Variants in ADD1 observed in about 807,000 individuals in gnomAD.
The protein encoded by ADD1 is alpha-adducin.
ADD1 carries 24 observed loss-of-function variants against 80.5 expected under a neutral mutation model. The ratio of observed to expected loss-of-function variants is 0.30; its 90% CI spans 0.22 to 0.42. The LOEUF is 0.42. Ranked by LOEUF, ADD1 falls within the 10% of genes least tolerant of loss-of-function variation. ADD1 has a pLI of 1.00. For synonymous variants in ADD1, 373 were observed against 393.8 expected (o/e 0.95, Z 0.63); for missense variants, 948 against 1,019.0 (o/e 0.93, Z 0.95).
intron 1 of ADD1, among the ~76,000 whole-genome samples, chr4:2,870,286 C>G (rs559819583): frequency 6.2e-4 from 94 of 152,342 alleles, no homozygotes; most frequent in Non-Finnish European, 1.1e-3. Flanking sequence ...TGCAGTACTT[C>G]TGCTAAGAAA....
At chr4:2,911,449 T>TA (rs1553848841) in intron 13 of ADD1, among the ~76,000 whole-genome samples, 14,265 of 91,638 alleles carry the variant, frequency 0.16, 707 homozygotes, top group East Asian at 0.25. Context: ...TATATATATA[T>TA]TTTTTTTTTT....
intron 14 of ADD1, among the ~76,000 whole-genome samples, chr4:2,919,776 T>TA (rs1739687505): frequency 1.3e-5 from 2 of 152,100 alleles, no homozygotes; most frequent in East Asian, 1.9e-4. Flanking sequence ...TATCAATCTT[T>TA]AAAAAAAACC....
intron 13 of ADD1, chr4:2,914,588 C>T (rs922272022): frequency 1.4e-5 from 4 of 292,508 alleles, no homozygotes; most frequent in Admixed American, 4.9e-5. Flanking sequence ...GGGCACCCTC[C>T]CTGAGGTGCT....
intron 1 of ADD1, among the ~76,000 whole-genome samples, chr4:2,856,384 TC>T (rs1384447734): frequency 6.6e-6 from 1 of 152,180 alleles, no homozygotes; most frequent in African/African-American, 2.4e-5. Flanking sequence ...GTTAGAATTT[TC>T]TTTTCTTTAT....
chr4:2,898,558 T>G, intron 8 of ADD1, 27 bp downstream of exon 8: 1 of 1,589,354 alleles, frequency 6.3e-7, no homozygotes. Context: ...CCAGTCACTC[T>G]GCAGTTTATT....
At chr4:2,889,189 G>A (rs1577580639) in intron 4 of ADD1, among the ~76,000 whole-genome samples, 2 of 152,192 alleles carry the variant, frequency 1.3e-5, no homozygotes, top group Admixed American at 1.3e-4. Flanking sequence ...CAAATTGCAT[G>A]CATTGAAACA....
intron 13 of ADD1, among the ~76,000 whole-genome samples, chr4:2,911,871 G>C (rs945966612): frequency 6.6e-6 from 1 of 152,252 alleles, no homozygotes; most frequent in Non-Finnish European, 1.5e-5. Flanking sequence ...GGACTCTTGT[G>C]TTCCCATGTG....
Position 2,884,634 on chromosome 4 carries a change from G to T in ADD1, c.478G>T (p.Gly160Trp), listed in dbSNP as rs1227875863. 1 of 1,610,816 alleles carries T rather than the reference G, an allele frequency of 6.2e-7. No homozygotes were observed. The highest frequency in any genetic ancestry group is 2.2e-5 in the East Asian group (1 of 44,792). The stretch of plus-strand genomic sequence containing the variant: ...GTTTTATAGACTAGCAGATCTCTTT[G>T]GGTGGTCTCAGCTTATCTACAATCA... The part of the protein sequence containing the change: ...AAFYRLADLF[G>W]WSQLIYNHIT... The change falls in exon 4 of 16, where the codon GGG becomes TGG. Residue 160 changes from glycine to tryptophan, a missense_variant. Physicochemically the swap from Gly to Trp is radical, Grantham distance 184 (BLOSUM62 -2). Coordinates refer to ENST00000683351, the MANE Select transcript of ADD1 (RefSeq NM_001354761.2).
intron 1 of ADD1, among the ~76,000 whole-genome samples, chr4:2,852,464 T>C (rs2004973): frequency 0.53 from 79,028 of 149,056 alleles, 21,330 homozygotes; most frequent in African/African-American, 0.61. Flanking sequence ...GTAGCTGGGA[T>C]TACAGGTGCA....
intron 14 of ADD1, among the ~76,000 whole-genome samples, chr4:2,916,344 C>T (rs550843718): frequency 2.0e-4 from 31 of 151,746 alleles, no homozygotes; most frequent in Admixed American, 4.6e-4. Context: ...TACAGGCATG[C>T]ACCACCATGC....
intron 10 of ADD1, 25 bp from the exon 11 acceptor site, chr4:2,907,718 T>G (rs1737292660): frequency 1.9e-6 from 3 of 1,593,238 alleles, no homozygotes; most frequent in Non-Finnish European, 2.6e-6. Context: ...TAATTCTGAC[T>G]TTTCAACTGT....
At position 2,929,218 on chromosome 4, in the gene ADD1, T is replaced by C. The variant is rs1712576565; in HGVS notation, c.*695T>C. 6.6e-6 allele frequency: 1 copy of C among 152,186 alleles called. No homozygotes were observed. The highest frequency in any genetic ancestry group is 6.5e-5 in the Admixed American group (1 of 15,278). 9.4% of individuals were successfully genotyped at this position (152,186 alleles called of 1,614,324 possible). A position where few individuals can be genotyped will look rare whatever the true frequency, so the allele number is the denominator to read the frequency against. On this transcript the variant is annotated 3_prime_UTR_variant, in exon 16 of 16. Coordinates refer to ENST00000683351, the MANE Select transcript of ADD1 (RefSeq NM_001354761.2). ...CTCTGGATTCCTGTCATAGGGAAGG[T>C]ATATCAGGAGGGGAAGAGGCCTTTC...
intron 2 of ADD1, among the ~76,000 whole-genome samples, chr4:2,879,394 T>C (rs1282863972): frequency 6.6e-6 from 1 of 152,186 alleles, no homozygotes; most frequent in Non-Finnish European, 1.5e-5. Context: ...CCATATTATT[T>C]ATCAGTATGT....
Position 2,928,393 on chromosome 4 carries a change from C to T in ADD1, c.2270C>T (p.Ser757Leu), listed in dbSNP as rs1712318731. 2 of 1,613,310 alleles carry T rather than the reference C, an allele frequency of 1.2e-6. No individual in the cohort carries two copies. Among genetic ancestry groups the T allele is most frequent in the Non-Finnish European group, 1.7e-6 (2 of 1,179,928 alleles). ...PAPVAEEAAP[S>L]AVEEGAAADP... ...CCGGTGGCTGAAGAGGCTGCCCCCT[C>T]AGCTGTCGAGGAGGGGGCCGCCGCG... The change falls in exon 16 of 16, where the codon TCA (serine) becomes TTA (leucine). Residue 757 changes from serine to leucine, a missense_variant. Physicochemically the swap from Ser to Leu is moderately radical, Grantham distance 145. Coordinates refer to ENST00000683351, the MANE Select transcript of ADD1 (RefSeq NM_001354761.2).
Position 2,904,813 on chromosome 4 carries a change from C to CT in ADD1, c.1212dup (p.Lys405Ter). ...CGATACCCTGCTCTGAGAGAGAAGTCTAAAAAATACAGCGATGTGGAGGTT... is the reference window on the plus strand; with the variant it reads ...CGATACCCTGCTCTGAGAGAGAAGTCTTAAAAAATACAGCGATGTGGAGGTT... On this transcript the variant is annotated frameshift_variant, in exon 10 of 16. Coordinates refer to ENST00000683351, the MANE Select transcript of ADD1 (RefSeq NM_001354761.2). LOFTEE classifies it high-confidence loss of function. 1 of 1,614,164 alleles carries CT rather than the reference C, an allele frequency of 6.2e-7. No individual in the cohort carries two copies. Among genetic ancestry groups the CT allele is most frequent in the Non-Finnish European group, 8.5e-7 (1 of 1,180,028 alleles).
chr4:2,888,233 T>C (rs1463576966), intron 4 of ADD1, among the ~76,000 whole-genome samples: 1 of 151,380 alleles, frequency 6.6e-6, no homozygotes. Context: ...TGCACCACCA[T>C]GCCACTAGCT....
chr4:2,927,968 A>T (rs1166062596), intron 15 of ADD1, among the ~76,000 whole-genome samples: 1 of 151,980 alleles, frequency 6.6e-6, no homozygotes, highest in Admixed American at 6.6e-5. Flanking sequence ...GCTAAAAACT[A>T]CCCCGAGACT....
intron 10 of ADD1, among the ~76,000 whole-genome samples, chr4:2,906,359 G>T (rs1737064897): frequency 6.8e-6 from 1 of 147,412 alleles, no homozygotes. Context: ...TTTTTTACTT[G>T]TTTCACTTGT....
intron 11 of ADD1, among the ~76,000 whole-genome samples, 181 bp downstream of exon 11, chr4:2,908,025 A>C (rs1737355391): frequency 6.6e-6 from 1 of 152,236 alleles, no homozygotes; most frequent in Admixed American, 6.5e-5. Context: ...TATGAGCAGC[A>C]GACATTTTTT....
Sources: allele counts gnomAD v4.1 joint callset (sites outside exome capture counted in the v4.1 genomes callset), GRCh38; gene constraint gnomAD v4.1.1; transcripts MANE v1.5; gene names NCBI Gene and HGNC (gene_info 2026-07-23, HGNC 2026-07-21).